FBXL17: variants seen among roughly 807,000 people sequenced by gnomAD.
FBXL17 encodes the protein F-box and leucine rich repeat protein 17.
A neutral mutation model predicts 66.2 loss-of-function variants in FBXL17; 22 were observed. The observed-to-expected ratio is 0.33, with a 90% CI of 0.24 to 0.47. FBXL17 has a LOEUF of 0.47. Ranked by LOEUF, FBXL17 falls within the 20% of genes least tolerant of loss-of-function variation. The pLI is 1.00. For missense variants in FBXL17, 878 were observed against 948.2 expected (o/e 0.93, Z 0.97); for synonymous variants, 474 against 400.5 (o/e 1.18, Z -2.19).
chr5:108,198,396 G>C (rs1319371789), intron 5 of FBXL17, among the ~76,000 whole-genome samples: 1 of 152,054 alleles, frequency 6.6e-6, no homozygotes, highest in Non-Finnish European at 1.5e-5. Flanking sequence ...AGTGAAACAG[G>C]AGTCACAGAC....
At chr5:108,124,449 T>C (rs939033600) in intron 6 of FBXL17, among the ~76,000 whole-genome samples, 3 of 152,030 alleles carry the variant, frequency 2.0e-5, no homozygotes, top group Admixed American at 1.3e-4. Context: ...ATAGGGTTTA[T>C]AATTACTTAA....
intron 5 of FBXL17, among the ~76,000 whole-genome samples, chr5:108,220,372 C>T (rs2150071839): frequency 6.6e-6 from 1 of 152,254 alleles, no homozygotes; most frequent in South Asian, 2.1e-4. Flanking sequence ...AGTCTGGAAA[C>T]TCTTTCAATG....
intron 6 of FBXL17, among the ~76,000 whole-genome samples, chr5:108,062,264 C>T (rs574412695): frequency 1.3e-5 from 2 of 152,076 alleles, no homozygotes; most frequent in Non-Finnish European, 2.9e-5. Context: ...ATTTGCTCTT[C>T]CGTAGCTTGG....
rs1561375418 is a variant in FBXL17, at chr5:108,028,789, C to T, written c.1746-7788G>A. Reference sequence around the variant, plus strand: ...GCCAAATTCTCAGAAGACTACAAAACACAGGAGGTAAAGATAATTTATAAA... The same window carrying T: ...GCCAAATTCTCAGAAGACTACAAAATACAGGAGGTAAAGATAATTTATAAA... On this transcript the variant is annotated intron_variant, in intron 6 of 8. Coordinates refer to ENST00000542267, the MANE Select transcript of FBXL17 (RefSeq NM_001163315.3). Among the ~76,000 whole-genome samples, 3 of 152,056 alleles carry T rather than the reference C, an allele frequency of 2.0e-5. No individual in the cohort carries two copies. The East Asian group carries it at 5.8e-4, about 29-fold the overall frequency.
At chr5:108,352,881 T>C (rs979822078) in intron 3 of FBXL17, among the ~76,000 whole-genome samples, 3 of 152,190 alleles carry the variant, frequency 2.0e-5, no homozygotes, top group Non-Finnish European at 2.9e-5. Flanking sequence ...CTCTACTCTG[T>C]CAAAAGGGAG....
rs776903300 is a variant in FBXL17 at position 108,121,466 on chromosome 5, G to GA, written c.1745+64650_1745+64651insT. The stretch of plus-strand genomic sequence containing the variant: ...AAAGCAAGGAGGAAAATCTTTCTAA[G>GA]TTATACAGAATGAGTCCATGCATAT... On this transcript the variant is annotated intron_variant, in intron 6 of 8. Coordinates refer to ENST00000542267, the MANE Select transcript of FBXL17 (RefSeq NM_001163315.3). 3.0e-4 allele frequency among the ~76,000 whole-genome samples: 46 copies of GA among 152,250 alleles called. No individual in the cohort carries two copies. In the South Asian group the frequency reaches 8.9e-3, roughly 29 times the overall value.
intron 4 of FBXL17, among the ~76,000 whole-genome samples, chr5:108,242,943 T>C (rs1308047119): frequency 6.6e-6 from 1 of 152,188 alleles, no homozygotes; most frequent in Non-Finnish European, 1.5e-5. Context: ...CACAGCTTTA[T>C]AAAAACTGAC....
chr5:108,045,179 C>T lies in FBXL17; in HGVS notation c.1746-24178G>A, dbSNP rs569522240. Among the ~76,000 whole-genome samples the T allele has an allele frequency of 3.8e-3, 577 of 152,162 alleles. 6 individuals are homozygous for T. The highest frequency in any genetic ancestry group is 0.013 in the African/African-American group (556 of 41,518). ...CTTTCCGGCCAGGCGTGGTGACTGACGCCTATAATCCCAGCACTTTGGGAG... is the reference window on the plus strand; with the variant it reads ...CTTTCCGGCCAGGCGTGGTGACTGATGCCTATAATCCCAGCACTTTGGGAG... On this transcript the variant is annotated intron_variant, in intron 6 of 8. Coordinates refer to ENST00000542267, the MANE Select transcript of FBXL17 (RefSeq NM_001163315.3).
chr5:108,121,974 T>G (rs1244517730), intron 6 of FBXL17, among the ~76,000 whole-genome samples: 2 of 151,990 alleles, frequency 1.3e-5, no homozygotes, highest in Non-Finnish European at 2.9e-5. Context: ...TTTGCTTTTA[T>G]TTGAAAGACT....
intron 8 of FBXL17, among the ~76,000 whole-genome samples, chr5:107,869,417 T>C (rs964757801): frequency 3.9e-5 from 6 of 152,132 alleles, no homozygotes; most frequent in Admixed American, 2.6e-4. Flanking sequence ...TGGGCACATA[T>C]TAAAAAGGAT....
chr5:107,879,964 T>C, intron 8 of FBXL17: 1 of 916,482 alleles, frequency 1.1e-6, no homozygotes, highest in Non-Finnish European at 1.3e-6. Context: ...GCCTCCATTT[T>C]CTCCCCTTCA....
intron 7 of FBXL17, among the ~76,000 whole-genome samples, chr5:107,988,528 G>T (rs1038102283): frequency 6.6e-6 from 1 of 151,586 alleles, no homozygotes; most frequent in South Asian, 2.1e-4. Flanking sequence ...TTTTTGCAAA[G>T]GACCAAATAA....
intron 4 of FBXL17, among the ~76,000 whole-genome samples, chr5:108,268,162 T>C (rs1180565127): frequency 6.6e-6 from 1 of 151,820 alleles, no homozygotes; most frequent in Non-Finnish European, 1.5e-5. Flanking sequence ...TAAAGGGAAA[T>C]TAAAGAGCTA....
chr5:108,360,027 T>C (rs987746386), intron 3 of FBXL17, among the ~76,000 whole-genome samples: 1 of 152,130 alleles, frequency 6.6e-6, no homozygotes. Context: ...GATTAATATT[T>C]TATATTTATC....
chr5:108,330,612 G>A (rs994817908), intron 4 of FBXL17, among the ~76,000 whole-genome samples: 1 of 151,978 alleles, frequency 6.6e-6, no homozygotes, highest in Non-Finnish European at 1.5e-5. Context: ...AAGTATAGTC[G>A]CAATATAAAG....
chr5:107,902,511 TTTA>T (rs1749602958), intron 7 of FBXL17, among the ~76,000 whole-genome samples: 1 of 152,082 alleles, frequency 6.6e-6, no homozygotes. Flanking sequence ...ACAGCATTCC[TTTA>T]TTAGGGTAGG....
At chr5:108,193,994 T>A (rs1471919156) in intron 5 of FBXL17, among the ~76,000 whole-genome samples, 1 of 152,098 alleles carries the variant, frequency 6.6e-6, no homozygotes, top group African/African-American at 2.4e-5. Flanking sequence ...CCCTTCTAAC[T>A]CCTTTTTGCC....
In FBXL17 at chr5:108,061,744, A is replaced by G. The variant is rs551407915; in HGVS notation, c.1746-40743T>C. Among the ~76,000 whole-genome samples the G allele has an allele frequency of 1.1e-3, 173 of 152,258 alleles. 1 individual carries two copies. The highest frequency in any genetic ancestry group is 4.0e-3 in the African/African-American group (168 of 41,556). ...TTGTTACTCGTCAAGAGAAGTATAT[A>G]AACTGATATCTAGGTCCAAGAATCC... is the stretch of plus-strand genomic sequence containing the variant. On this transcript the variant is annotated intron_variant, in intron 6 of 8. Transcript: ENST00000542267.
intron 5 of FBXL17, among the ~76,000 whole-genome samples, chr5:108,220,713 G>A (rs931712446): frequency 6.6e-6 from 1 of 152,048 alleles, no homozygotes; most frequent in Non-Finnish European, 1.5e-5. Flanking sequence ...TGGGTCCTTC[G>A]ACATGTTCCT....
Sources: allele counts gnomAD v4.1 joint callset (sites outside exome capture counted in the v4.1 genomes callset), GRCh38; gene constraint gnomAD v4.1.1; transcripts MANE v1.5; gene names NCBI Gene and HGNC (gene_info 2026-07-23, HGNC 2026-07-21).